TMEM217B: variants seen among roughly 807,000 people sequenced by gnomAD.
TMEM217B encodes the protein transmembrane protein 217B.
At chr6:37,256,159 T>C in the TMEM217B span, among the ~76,000 whole-genome samples, 2 of 152,232 alleles carry the variant, frequency 1.3e-5, no homozygotes, top group African/African-American at 4.8e-5. Context: ...GGCAGGTATC[T>C]TGTCACATGG....
chr6:37,217,581 C>T, the TMEM217B span: 4 of 947,566 alleles, frequency 4.2e-6, no homozygotes, highest in African/African-American at 3.5e-5. Flanking sequence ...TAAGGAAGTG[C>T]CTTTCACACT....
chr6:37,218,081 G>T, the TMEM217B span: 1 of 1,013,564 alleles, frequency 9.9e-7, no homozygotes, highest in Non-Finnish European at 1.2e-6. Context: ...AAAGGAAATA[G>T]AACTACCCTG....
At chr6:37,217,380 G>A in the TMEM217B span, among the ~76,000 whole-genome samples, 1 of 152,200 alleles carries the variant, frequency 6.6e-6, no homozygotes, top group African/African-American at 2.4e-5. Flanking sequence ...ATCATATACT[G>A]TCTTATATGA....
chr6:37,255,391 G>T, the TMEM217B span, among the ~76,000 whole-genome samples: 1 of 152,020 alleles, frequency 6.6e-6, no homozygotes, highest in Non-Finnish European at 1.5e-5. Context: ...TTTTAACAGG[G>T]TGTCTCTGGG....
chr6:37,215,244 G>T, the TMEM217B span: 2 of 1,613,870 alleles, frequency 1.2e-6, no homozygotes, highest in East Asian at 2.2e-5. Flanking sequence ...GGCTGAGCTT[G>T]GCACTGGAGA....
At chr6:37,215,994 GGTGTGTGTGTGTGTGT>G in the TMEM217B span, among the ~76,000 whole-genome samples, 32 of 148,850 alleles carry the variant, frequency 2.1e-4, no homozygotes, top group South Asian at 4.2e-4. Context: ...GGTTCTTCAG[GGTGTGTGTGTGTGTGT>G]GTGTGTGTGT....
chr6:37,217,820 T>G, the TMEM217B span: 6 of 985,414 alleles, frequency 6.1e-6, no homozygotes, highest in Non-Finnish European at 7.2e-6. Flanking sequence ...TGAAGGCTAA[T>G]GAAGATGCCA....
chr6:37,242,951 A>G, the TMEM217B span, among the ~76,000 whole-genome samples: 1 of 152,088 alleles, frequency 6.6e-6, no homozygotes, highest in Non-Finnish European at 1.5e-5. Flanking sequence ...TCTTCTTCTC[A>G]TGGCTCATTG....
At chr6:37,255,903 T>G in the TMEM217B span, among the ~76,000 whole-genome samples, 6 of 152,304 alleles carry the variant, frequency 3.9e-5, no homozygotes, top group East Asian at 1.2e-3. Context: ...TTAAAAAATC[T>G]TGGAGGGGAA....
chr6:37,228,270 TAG>T, the TMEM217B span, among the ~76,000 whole-genome samples: 4 of 152,172 alleles, frequency 2.6e-5, no homozygotes, highest in African/African-American at 9.7e-5. Flanking sequence ...TAGGGAGTAG[TAG>T]AGATTGTAGC....
chr6:37,235,466 C>T, the TMEM217B span, among the ~76,000 whole-genome samples: 3 of 152,032 alleles, frequency 2.0e-5, no homozygotes, highest in African/African-American at 4.8e-5. Context: ...CCCAGGTTCA[C>T]GCCATTCTCC....
chr6:37,218,960 A>G, the TMEM217B span: 9 of 1,614,238 alleles, frequency 5.6e-6, no homozygotes, highest in South Asian at 1.1e-5. Flanking sequence ...GTCTACGGCC[A>G]TGATGGTGAA....
the TMEM217B span, among the ~76,000 whole-genome samples, chr6:37,224,774 G>T: frequency 6.6e-6 from 1 of 152,026 alleles, no homozygotes; most frequent in Non-Finnish European, 1.5e-5. Context: ...TATTTTTCAA[G>T]ATTGAGAGCA....
At chr6:37,217,336 C>T in the TMEM217B span, among the ~76,000 whole-genome samples, 5 of 152,178 alleles carry the variant, frequency 3.3e-5, no homozygotes, top group African/African-American at 1.2e-4. Flanking sequence ...GACCTGAATG[C>T]AAAGTGATGT....
the TMEM217B span, among the ~76,000 whole-genome samples, chr6:37,239,309 C>A: frequency 6.6e-6 from 1 of 151,348 alleles, no homozygotes; most frequent in Admixed American, 6.6e-5. Context: ...GGCAAGATGG[C>A]AAAAACCCAT....
chr6:37,212,642 T>A, the TMEM217B span: 3 of 539,836 alleles, frequency 5.6e-6, no homozygotes, highest in Non-Finnish European at 1.1e-5. Flanking sequence ...TCTTTGATGA[T>A]CCCGTTGAGG....
chr6:37,252,634 TA>T, the TMEM217B span, among the ~76,000 whole-genome samples: 2 of 44,540 alleles, frequency 4.5e-5, no homozygotes, highest in African/African-American at 2.0e-4. Flanking sequence ...TATATATATA[TA>T]TATTTTTTTT....
At chr6:37,216,687 C>T in the TMEM217B span, among the ~76,000 whole-genome samples, 1 of 152,154 alleles carries the variant, frequency 6.6e-6, no homozygotes, top group Admixed American at 6.6e-5. Flanking sequence ...TGTGGTTTGA[C>T]TGTCCCCTTC....
the TMEM217B span, among the ~76,000 whole-genome samples, chr6:37,230,172 TCTC>T: frequency 1.3e-5 from 2 of 152,164 alleles, no homozygotes; most frequent in Non-Finnish European, 2.9e-5. Flanking sequence ...TTCTCTGACT[TCTC>T]CTTCTGTCAC....
Sources: gnomAD v4.1 joint callset for allele counts (sites outside exome capture counted in the v4.1 genomes callset) on GRCh38, gnomAD v4.1.1 for gene constraint, MANE v1.5 for transcripts, NCBI Gene and HGNC (gene_info 2026-07-23, HGNC 2026-07-21) for gene names.